Variants in CSMD1 observed in about 807,000 individuals in gnomAD.
CSMD1 encodes CUB and sushi domain-containing protein 1.
In CSMD1, 213 loss-of-function variants were observed where a neutral mutation model predicts 417.5. The observed-to-expected ratio is 0.51, with a 90% CI of 0.46 to 0.57. CSMD1 has a LOEUF of 0.57. CSMD1 is among the 20% of genes least tolerant of loss of function. The pLI, the probability that CSMD1 is intolerant of heterozygous loss-of-function variation, is 0.00. For missense variants in CSMD1, 6,923 were observed against 4,529.7 expected, an observed-to-expected ratio of 1.53 and a Z score of -15.17; for synonymous variants, 2,862 against 1,736.8, an observed-to-expected ratio of 1.65 and a Z score of -16.11.
At chr8:4,133,408 G>C (rs138522043) in intron 3 of CSMD1, among the ~76,000 whole-genome samples, 14 of 152,212 alleles carry the variant, frequency 9.2e-5, no homozygotes, top group African/African-American at 2.6e-4. Flanking sequence ...ACACCTCTGT[G>C]ACGTGTTCCT....
intron 7 of CSMD1, among the ~76,000 whole-genome samples, chr8:3,651,753 C>T (rs1002445919): frequency 1.3e-5 from 2 of 151,866 alleles, no homozygotes; most frequent in African/African-American, 4.8e-5. Context: ...CATCACTATA[C>T]TTACTACCAA....
At chr8:3,240,872 G>A (rs568469800) in intron 26 of CSMD1, among the ~76,000 whole-genome samples, 1 of 152,188 alleles carries the variant, frequency 6.6e-6, no homozygotes, top group African/African-American at 2.4e-5. Context: ...GAATTGTAAG[G>A]AGAGTTTATA....
At chr8:3,352,232 C>T (rs1003914695) in intron 21 of CSMD1, among the ~76,000 whole-genome samples, 102 of 152,208 alleles carry the variant, frequency 6.7e-4, no homozygotes, top group African/African-American at 2.4e-3. Context: ...ATCAACATGA[C>T]TGAAGTGGAG....
chr8:3,491,247 C>G (rs142841363), intron 11 of CSMD1, among the ~76,000 whole-genome samples: 1 of 152,166 alleles, frequency 6.6e-6, no homozygotes, highest in Non-Finnish European at 1.5e-5. Flanking sequence ...TATCACATCA[C>G]TGAGTTGGAA....
At chr8:3,239,814 G>T (rs1799381467) in intron 26 of CSMD1, among the ~76,000 whole-genome samples, 2 of 152,202 alleles carry the variant, frequency 1.3e-5, no homozygotes, top group East Asian at 3.9e-4. Flanking sequence ...GGGGAAATGG[G>T]GTGAATGTCA....
At chr8:3,045,933 A>G (rs1417790020) in intron 50 of CSMD1, among the ~76,000 whole-genome samples, 1 of 152,186 alleles carries the variant, frequency 6.6e-6, no homozygotes, top group Non-Finnish European at 1.5e-5. Flanking sequence ...TAGGGGGTAT[A>G]GGGTTAGTTT....
chr8:4,237,841 T>C (rs943405828), intron 3 of CSMD1, among the ~76,000 whole-genome samples: 1 of 152,194 alleles, frequency 6.6e-6, no homozygotes, highest in Non-Finnish European at 1.5e-5. Flanking sequence ...AGGGAAGCTT[T>C]ATATTGTATT....
intron 26 of CSMD1, among the ~76,000 whole-genome samples, chr8:3,271,368 G>C (rs1801842186): frequency 6.6e-6 from 1 of 151,832 alleles, no homozygotes. Context: ...TTGCTATTGT[G>C]AATAATGCCA....
intron 2 of CSMD1, among the ~76,000 whole-genome samples, chr8:4,427,002 A>T (rs976703436): frequency 6.6e-6 from 1 of 152,108 alleles, no homozygotes; most frequent in African/African-American, 2.4e-5. Context: ...TTAGATATCA[A>T]GAAGTGATCA....
At chr8:4,408,145 G>A (rs955838782) in intron 3 of CSMD1, among the ~76,000 whole-genome samples, 1 of 152,176 alleles carries the variant, frequency 6.6e-6, no homozygotes, top group Non-Finnish European at 1.5e-5. Flanking sequence ...GAGTACACAT[G>A]TGATTTAAAT....
intron 6 of CSMD1, among the ~76,000 whole-genome samples, chr8:3,743,720 A>T (rs916947548): frequency 5.9e-5 from 9 of 152,148 alleles, no homozygotes; most frequent in African/African-American, 1.7e-4. Context: ...AGTGAGCTGC[A>T]AGATCGTTAC....
chr8:4,100,031 T>C (rs1209772122), intron 3 of CSMD1, among the ~76,000 whole-genome samples: 1 of 152,196 alleles, frequency 6.6e-6, no homozygotes, highest in Admixed American at 6.5e-5. Flanking sequence ...CAGAAGAAGA[T>C]ATAATGTAAT....
chr8:4,320,042 TGAG>T (rs1490200153), intron 3 of CSMD1, among the ~76,000 whole-genome samples: 2 of 152,052 alleles, frequency 1.3e-5, no homozygotes, highest in East Asian at 1.9e-4. Flanking sequence ...ATGAAAAAAA[TGAG>T]TAGTAAACAA....
At chr8:4,452,055 G>C (rs564071109) in intron 2 of CSMD1, among the ~76,000 whole-genome samples, 1 of 151,982 alleles carries the variant, frequency 6.6e-6, no homozygotes, top group African/African-American at 2.4e-5. Flanking sequence ...GGAAGAGGAA[G>C]ATTAGGGGCC....
chr8:3,196,536 G>A (rs1038411860), intron 33 of CSMD1, among the ~76,000 whole-genome samples: 1 of 152,150 alleles, frequency 6.6e-6, no homozygotes. Flanking sequence ...AACCATTACA[G>A]ATACTCTTAT....
Position 3,289,274 on chromosome 8 carries a change from C to A in CSMD1, c.3951-4928G>T, listed in dbSNP as rs1319396703. On this transcript the variant is annotated intron_variant, in intron 25 of 69. Coordinates refer to ENST00000635120, the MANE Select transcript of CSMD1 (RefSeq NM_033225.6). ...CACGTCTTTGCTATTGTGAATAGTG[C>A]CGCTATAAACATACGTGTGCATGTG... Among the ~76,000 whole-genome samples, 25 of 147,118 alleles carry A rather than the reference C, an allele frequency of 1.7e-4. 3 individuals carry two copies. The highest frequency in any genetic ancestry group is 6.0e-4 in the African/African-American group (22 of 36,880).
Position 2,955,575 on chromosome 8 carries a change from G to C in CSMD1, c.9994+14C>G. 6.2e-7 allele frequency: 1 copy of C among 1,612,442 alleles called. No individual in the cohort carries two copies. Among genetic ancestry groups the C allele is most frequent in the Non-Finnish European group, 8.5e-7 (1 of 1,178,934 alleles). On this transcript the variant is annotated intron_variant, in intron 64 of 69. Transcript: ENST00000635120. ...TCTTTGGAAAAGTATGCCACTCCTT[G>C]ATCAATGACTTACTTTTACACACAG...
At chr8:4,819,857 A>G (rs1563490070) in intron 1 of CSMD1, among the ~76,000 whole-genome samples, 1 of 151,900 alleles carries the variant, frequency 6.6e-6, no homozygotes, top group Non-Finnish European at 1.5e-5. Context: ...AGTGTAGGGA[A>G]CCCTTCTCTA....
intron 1 of CSMD1, among the ~76,000 whole-genome samples, chr8:4,952,856 G>C (rs1427929848): frequency 6.6e-6 from 1 of 152,102 alleles, no homozygotes; most frequent in East Asian, 1.9e-4. Context: ...AGGTAAGCTT[G>C]TTGGATGTAG....
Sources: allele counts gnomAD v4.1 joint callset (sites outside exome capture counted in the v4.1 genomes callset), GRCh38; gene constraint gnomAD v4.1.1; transcripts MANE v1.5; gene names NCBI Gene and HGNC (gene_info 2026-07-23, HGNC 2026-07-21).